KCNAB2: variants seen among roughly 807,000 people sequenced by gnomAD.
KCNAB2 encodes voltage-gated potassium channel subunit beta-2.
KCNAB2 carries 29 observed loss-of-function variants against 63.6 expected under a neutral mutation model. The ratio of observed to expected loss-of-function variants is 0.46; its 90% CI spans 0.34 to 0.62. KCNAB2 has a LOEUF of 0.62. Among genes scored for constraint, KCNAB2 ranks in the 20% least tolerant of loss-of-function variants. The pLI, the probability that KCNAB2 is intolerant of heterozygous loss-of-function variation, is 0.01. For missense variants in KCNAB2, 359 were observed against 563.9 expected (o/e 0.64, Z 3.68); for synonymous variants, 222 against 224.2 (o/e 0.99, Z 0.09).
chr1:6,007,179 G>A (rs1013565685), intron 1 of KCNAB2, among the ~76,000 whole-genome samples: 29 of 146,012 alleles, frequency 2.0e-4, no homozygotes, highest in African/African-American at 7.3e-4. Flanking sequence ...TACTGCCCGG[G>A]CCTCCCTGCC....
rs536696519 is a variant in KCNAB2 at position 6,096,242 on chromosome 1, G to A, written c.949-394G>A. 6.2e-5 allele frequency: 27 copies of A among 436,724 alleles called. No homozygotes were observed. The highest frequency in any genetic ancestry group is 6.2e-4 in the Middle Eastern group (1 of 1,610). 27.1% of individuals were successfully genotyped at this position (436,724 alleles called of 1,614,324 possible). On this transcript the variant is annotated intron_variant, in intron 13 of 15. Coordinates refer to ENST00000378083, the MANE Select transcript of KCNAB2 (RefSeq NM_001199862.2). This position sits in a 1 kb window ranked among gnomAD's most constrained non-coding sequence, Gnocchi z 5.9. ...CTCCAGGAGGCCCTGCAATCCTCTG[G>A]GGGGGATGGCCAGGGGAGAGAGCAC...
intron 2 of KCNAB2, among the ~76,000 whole-genome samples, chr1:6,055,591 G>A (rs1338881123): frequency 6.6e-6 from 1 of 152,096 alleles, no homozygotes; most frequent in Non-Finnish European, 1.5e-5. Flanking sequence ...CCTGACCTCA[G>A]GTGATCTGCC....
chr1:6,017,513 C>T (rs576868968), intron 1 of KCNAB2, among the ~76,000 whole-genome samples: 2 of 152,030 alleles, frequency 1.3e-5, no homozygotes, highest in South Asian at 4.2e-4. Flanking sequence ...GATTTACCCA[C>T]CAGGCATGGG....
Position 6,078,506 on chromosome 1 carries a change from T to TGG in KCNAB2, c.301-3688_301-3687dup, listed in dbSNP as rs1177070284. 2.0e-5 allele frequency among the ~76,000 whole-genome samples: 3 copies of TGG among 151,538 alleles called. No homozygotes were observed. The highest frequency in any genetic ancestry group is 4.4e-5 in the Non-Finnish European group (3 of 67,944). ...AGAAGCGAGCAAGGACGCCACGTGG[T>TGG]GGTCCAGAGAAAGAGCCTTCGGGGG... On this transcript the variant is annotated intron_variant, in intron 4 of 15. Transcript: ENST00000378083. This position sits in a 1 kb window ranked among gnomAD's most constrained non-coding sequence, Gnocchi z 4.2.
intron 1 of KCNAB2, among the ~76,000 whole-genome samples, chr1:6,007,145 G>A (rs1189198923): frequency 6.6e-6 from 1 of 152,136 alleles, no homozygotes; most frequent in East Asian, 1.9e-4. Flanking sequence ...GGCGAGCTGG[G>A]AGCGCCACCA....
intron 4 of KCNAB2, among the ~76,000 whole-genome samples, chr1:6,080,373 G>T (rs1002983508): frequency 6.6e-6 from 1 of 152,190 alleles, no homozygotes; most frequent in Non-Finnish European, 1.5e-5. Flanking sequence ...GGGCACATCC[G>T]GGAGGAGGAG....
chr1:6,012,033 GTGAAAGTGGAGGTGGTGGGTGGAGGTGA>G (rs1557930204), intron 1 of KCNAB2, among the ~76,000 whole-genome samples: 2 of 151,802 alleles, frequency 1.3e-5, no homozygotes. Flanking sequence ...GGTGATGGAG[GTGAAAGTGGAGGTGGTGGGTGGAGGTGA>G]TGAAGGTGGA....
chr1:6,099,589 C>A lies in KCNAB2; in HGVS notation c.*1015C>A. The A allele has an allele frequency of 1.7e-6, 1 of 599,644 alleles. No homozygotes were observed. 37.1% of individuals were successfully genotyped at this position (599,644 alleles called of 1,614,324 possible). ...CCCCTGTAGACTTTCTCTAAAGCCG[C>A]CCGCCAGCCCAGGCCGCTGCTCTGC... is the stretch of plus-strand genomic sequence containing the variant. On this transcript the variant is annotated 3_prime_UTR_variant, in exon 16 of 16. Transcript: ENST00000378083.
At chr1:6,072,717 C>T (rs1177804650) in intron 2 of KCNAB2, 38 bp from the exon 3 acceptor site, 2 of 1,611,436 alleles carry the variant, frequency 1.2e-6, no homozygotes, top group Admixed American at 3.3e-5. Context: ...CAGGGTCCTG[C>T]CTGGGTGCTG....
At chr1:6,042,848 C>CCG (rs1553122360), upstream of KCNAB2, among the ~76,000 whole-genome samples, 1 of 106,898 alleles carries the variant, frequency 9.4e-6, no homozygotes, top group South Asian at 5.0e-4. Flanking sequence ...TCCCCACCCC[C>CCG]CCCCCCGTTT....
intron 1 of KCNAB2, among the ~76,000 whole-genome samples, chr1:6,009,249 C>T (rs531822612): frequency 4.1e-4 from 62 of 152,346 alleles, no homozygotes; most frequent in South Asian, 8.3e-4. Context: ...CTTTCCAGAG[C>T]GGCAGGAGGC....
rs1000915102 is a variant in KCNAB2, at chr1:6,078,074, A to T, written c.301-4121A>T. On this transcript the variant is annotated intron_variant, in intron 4 of 15. Coordinates refer to ENST00000378083, the MANE Select transcript of KCNAB2 (RefSeq NM_001199862.2). This position sits in a 1 kb window ranked among gnomAD's most constrained non-coding sequence, Gnocchi z 4.2. ...CCAGGACCTTTCCCGGCCTAAGTCC[A>T]GGAGTCAGCCGGGCCGGGCTCCCTT... is the stretch of plus-strand genomic sequence containing the variant. 3.3e-5 allele frequency among the ~76,000 whole-genome samples: 5 copies of T among 149,380 alleles called. No homozygotes were observed. The highest frequency in any genetic ancestry group is 1.5e-5 in the Non-Finnish European group (1 of 67,518).
At chr1:6,002,023 G>C (rs1164469831) in intron 1 of KCNAB2, among the ~76,000 whole-genome samples, 5 of 152,152 alleles carry the variant, frequency 3.3e-5, no homozygotes, top group African/African-American at 9.7e-5. Context: ...TGTGGGCCTC[G>C]TGAGGACAGA....
At chr1:5,996,933 G>C (rs1557914219) in intron 1 of KCNAB2, among the ~76,000 whole-genome samples, 1 of 152,182 alleles carries the variant, frequency 6.6e-6, no homozygotes. Flanking sequence ...CTGAGGTCTG[G>C]TCCGCAGGGG....
chr1:6,026,799 ATGTGGG>A (rs1322921440), intron 1 of KCNAB2, among the ~76,000 whole-genome samples: 1 of 152,190 alleles, frequency 6.6e-6, no homozygotes, highest in Non-Finnish European at 1.5e-5. Context: ...ATGGAGAGCC[ATGTGGG>A]GCCACCTCTG....
upstream of KCNAB2, among the ~76,000 whole-genome samples, chr1:6,032,708 C>G (rs1437587938): frequency 6.6e-6 from 1 of 152,168 alleles, no homozygotes; most frequent in Non-Finnish European, 1.5e-5. Context: ...ACCAAATGGC[C>G]AGACCTGGTC....
chr1:6,037,363 G>A (rs866480988), intron 1 of KCNAB2, among the ~76,000 whole-genome samples: 1 of 152,236 alleles, frequency 6.6e-6, no homozygotes, highest in Non-Finnish European at 1.5e-5. Context: ...GCAAGGCTGT[G>A]TGAGGACATC....
Position 6,096,809 on chromosome 1 carries a change from C to G in KCNAB2, c.1069+53C>G. On this transcript the variant is annotated intron_variant, in intron 14 of 15. Coordinates refer to ENST00000378083, the MANE Select transcript of KCNAB2 (RefSeq NM_001199862.2). The surrounding 1 kb of genome is among the most constrained non-coding windows in gnomAD (Gnocchi z 5.9). ...TGCCCCTGGGGAGAACCTGCCCCAG[C>G]TGGCCGTAGGTAACAGGGTGGGGTT... The G allele has an allele frequency of 6.7e-7, 1 of 1,500,098 alleles. No individual in the cohort carries two copies. The highest frequency in any genetic ancestry group is 1.4e-5 in the African/African-American group (1 of 71,948). 92.9% of individuals were successfully genotyped at this position (1,500,098 alleles called of 1,614,324 possible).
Position 6,024,837 on chromosome 1 carries a change from C to T in KCNAB2, c.-52-15680C>T, listed in dbSNP as rs61760782. 0.41 allele frequency among the ~76,000 whole-genome samples: 62,429 copies of T among 152,016 alleles called. 13,365 individuals are homozygous for T. The highest frequency in any genetic ancestry group is 0.59 in the East Asian group (3,067 of 5,156). ...ATGTGTGAGGAAAGAACCCCAATTT[C>T]GAGCTGGACACACCTAGGCTCTGGT... On this transcript the variant is annotated intron_variant, in intron 1 of 16. Coordinates refer to the KCNAB2 transcript ENST00000341524. The surrounding 1 kb of genome is among the most constrained non-coding windows in gnomAD (Gnocchi z 5.4).
Sources: allele counts gnomAD v4.1 joint callset (sites outside exome capture counted in the v4.1 genomes callset), GRCh38; gene constraint gnomAD v4.1.1; non-coding constraint Gnocchi (gnomAD v3.1); transcripts MANE v1.5; gene names NCBI Gene and HGNC (gene_info 2026-07-23, HGNC 2026-07-21).